Variants in TANC1 observed in about 807,000 individuals in gnomAD.
TANC1 encodes the protein tetratricopeptide repeat, ankyrin repeat and coiled-coil containing 1.
TANC1 carries 77 observed loss-of-function variants against 149.7 expected under a neutral mutation model. The observed-to-expected ratio is 0.51, with a 90% CI of 0.43 to 0.62. TANC1 has a LOEUF of 0.62. TANC1 is among the 20% of genes least tolerant of loss of function. The pLI, the probability that TANC1 is intolerant of heterozygous loss-of-function variation, is 0.00. For synonymous variants in TANC1, 854 were observed against 925.0 expected (o/e 0.92, Z 1.39); for missense variants, 1,985 against 2,321.8 (o/e 0.85, Z 2.98).
intron 7 of TANC1, among the ~76,000 whole-genome samples, chr2:159,151,715 G>C (rs772608083): frequency 2.0e-5 from 3 of 152,216 alleles, no homozygotes; most frequent in Non-Finnish European, 4.4e-5. Flanking sequence ...GGGCTCTTTG[G>C]TGTAGACCTC....
chr2:159,145,596 A>T (rs951790407), intron 5 of TANC1, among the ~76,000 whole-genome samples: 8 of 152,192 alleles, frequency 5.3e-5, no homozygotes, highest in Non-Finnish European at 1.2e-4. Flanking sequence ...GTTTAAAGTT[A>T]TGATGGCAGT....
chr2:159,008,003 C>T (rs549519752), intron 2 of TANC1, among the ~76,000 whole-genome samples: 12 of 152,288 alleles, frequency 7.9e-5, no homozygotes, highest in South Asian at 2.1e-4. Context: ...CAATCCTTTA[C>T]GTGTTTCTGG....
chr2:159,133,102 T>C lies in TANC1; in HGVS notation c.260-3092T>C, dbSNP rs142671498. Among the ~76,000 whole-genome samples, 203 of 152,298 alleles carry C rather than the reference T, an allele frequency of 1.3e-3. 1 individual carries two copies. The highest frequency in any genetic ancestry group is 4.8e-3 in the African/African-American group (199 of 41,548). Reference sequence around the variant, plus strand: ...ATTGGAGCTTGGAAATAGATCTCTTTAGATTTGCTGTTACTGTACCCTGAA... The same window carrying C: ...ATTGGAGCTTGGAAATAGATCTCTTCAGATTTGCTGTTACTGTACCCTGAA... On this transcript the variant is annotated intron_variant, in intron 4 of 26. Transcript: ENST00000263635.
At chr2:159,127,978 T>C (rs1048530185) in intron 4 of TANC1, among the ~76,000 whole-genome samples, 21 of 152,372 alleles carry the variant, frequency 1.4e-4, no homozygotes, top group African/African-American at 5.1e-4. Context: ...ATAAAGGCTG[T>C]CTGCCCTTTC....
At chr2:159,109,939 A>G (rs2047560390) in intron 4 of TANC1, among the ~76,000 whole-genome samples, 1 of 152,244 alleles carries the variant, frequency 6.6e-6, no homozygotes, top group South Asian at 2.1e-4. Flanking sequence ...TTAATAAAGA[A>G]AAAACATTGT....
At chr2:159,121,399 T>C (rs534334759) in intron 4 of TANC1, among the ~76,000 whole-genome samples, 40 of 152,366 alleles carry the variant, frequency 2.6e-4, no homozygotes, top group South Asian at 8.3e-4. Flanking sequence ...AATGGTGCAA[T>C]CTTCGCTTAC....
In TANC1 at chr2:159,150,406, A is replaced by G; in HGVS notation, c.532A>G (p.Thr178Ala). The change falls in exon 7 of 27, where the codon ACA (threonine) becomes GCA (alanine). Residue 178 changes from threonine to alanine, a missense_variant. Thr to Ala is a moderately conservative substitution (Grantham distance 58). This residue lies in a region of TANC1 where 557 missense variants were observed against 612.9 expected (regional missense o/e 0.91). Coordinates refer to ENST00000263635, the MANE Select transcript of TANC1 (RefSeq NM_033394.3). ...ALSQGISPCS[T>A]LTSSTASPST... ...GAGTCAAGGCATCAGTCCTTGCTCC[A>G]CACTAACAAGCAGCACCGCATCTCC... 6.2e-7 allele frequency: 1 copy of G among 1,614,160 alleles called. No homozygotes were observed. Among genetic ancestry groups the G allele is most frequent in the South Asian group, 1.1e-5 (1 of 91,080 alleles).
intron 5 of TANC1, among the ~76,000 whole-genome samples, chr2:159,139,344 C>A (rs1403175303): frequency 1.3e-5 from 2 of 152,196 alleles, no homozygotes; most frequent in Non-Finnish European, 2.9e-5. Context: ...TTAATAAAAT[C>A]ATCAAACAAA....
chr2:159,185,678 C>G (rs1203948144), intron 14 of TANC1, 113 bp from the exon 15 acceptor site: 2 of 702,960 alleles, frequency 2.8e-6, no homozygotes, highest in African/African-American at 1.8e-5. Flanking sequence ...GAGTTTACAT[C>G]TTTGTCACGG....
chr2:159,201,148 G>A (rs2058214990), intron 19 of TANC1, among the ~76,000 whole-genome samples: 1 of 152,144 alleles, frequency 6.6e-6, no homozygotes, highest in Non-Finnish European at 1.5e-5. Flanking sequence ...CCTTTCTCTT[G>A]TGCCCCTTCA....
rs377730039 is a variant in TANC1 at position 159,037,331 on chromosome 2, A to C, written c.-15-28565A>C. Among the ~76,000 whole-genome samples, 8 of 152,236 alleles carry C rather than the reference A, an allele frequency of 5.3e-5. No homozygotes were observed. The East Asian group carries it at 1.2e-3, about 22-fold the overall frequency. ...TAGGTTGCCAGTTCACTCTGATGGTAGTTTCTTTTGCTGTGCAGAAGCTCT... is the reference window on the plus strand; with the variant it reads ...TAGGTTGCCAGTTCACTCTGATGGTCGTTTCTTTTGCTGTGCAGAAGCTCT... On this transcript the variant is annotated intron_variant, in intron 2 of 26. Coordinates refer to ENST00000263635, the MANE Select transcript of TANC1 (RefSeq NM_033394.3).
intron 5 of TANC1, chr2:159,148,748 C>T (rs12463769): frequency 0.13 from 19,948 of 156,016 alleles, 1,598 homozygotes; most frequent in East Asian, 0.3. Flanking sequence ...TACCAGCATG[C>T]CACTAGGGTT....
intron 4 of TANC1, 147 bp from the exon 5 acceptor site, chr2:159,136,047 T>TGTGTGTGTGTGCGTGC (rs1457762905): frequency 5.2e-5 from 11 of 211,184 alleles, no homozygotes; most frequent in Middle Eastern, 1.2e-3. Flanking sequence ...TGTGTGTGTG[T>TGTGTGTGTGTGCGTGC]GTGCGCGCGC....
At chr2:159,176,633 T>A (rs1430377227) in intron 13 of TANC1, 115 bp downstream of exon 13, 2 of 863,452 alleles carry the variant, frequency 2.3e-6, no homozygotes, top group Non-Finnish European at 3.5e-6. Flanking sequence ...GAAACTATGT[T>A]AAGAATTTGA....
At chr2:159,115,525 A>G (rs2048159742) in intron 4 of TANC1, among the ~76,000 whole-genome samples, 1 of 152,204 alleles carries the variant, frequency 6.6e-6, no homozygotes, top group South Asian at 2.1e-4. Context: ...TACTCAAGGC[A>G]GGGGCTTCCT....
At chr2:159,039,620 T>C (rs1018742103) in intron 2 of TANC1, among the ~76,000 whole-genome samples, 2 of 152,210 alleles carry the variant, frequency 1.3e-5, no homozygotes, top group African/African-American at 4.8e-5. Flanking sequence ...CCGGTACTCA[T>C]TCAGGAGCAG....
chr2:159,019,653 GTTTTTTTTTTTTTTTTTT>G (rs55746240), intron 2 of TANC1, among the ~76,000 whole-genome samples: 12 of 73,308 alleles, frequency 1.6e-4, no homozygotes, highest in African/African-American at 2.3e-4. Flanking sequence ...CTTTCTTTCT[GTTTTTTTTTTTTTTTTTT>G]TTTTTTTTTT....
chr2:159,223,953 G>C (rs1383858610), intron 22 of TANC1, among the ~76,000 whole-genome samples: 1 of 152,214 alleles, frequency 6.6e-6, no homozygotes, highest in African/African-American at 2.4e-5. Context: ...AGTGGTGTGA[G>C]ACAGAGACAG....
intron 3 of TANC1, among the ~76,000 whole-genome samples, chr2:159,066,245 AC>A (rs2042651283): frequency 6.6e-6 from 1 of 152,152 alleles, no homozygotes; most frequent in African/African-American, 2.4e-5. Context: ...ACTTTCCTCT[AC>A]AAAAAAATTT....
Sources: gnomAD v4.1 joint callset for allele counts (sites outside exome capture counted in the v4.1 genomes callset) on GRCh38, gnomAD v4.1.1 for gene constraint, gnomAD v4.1.1 regional missense constraint, MANE v1.5 for transcripts, NCBI Gene and HGNC (gene_info 2026-07-23, HGNC 2026-07-21) for gene names.